The following LGALS3 variants were observed in gnomAD, a reference collection of about 807,000 sequenced individuals.
LGALS3 encodes galectin 3.
Under a neutral mutation model 20.7 loss-of-function variants are expected in LGALS3, and 18 were observed. That is an observed-to-expected ratio of 0.87 (90% confidence interval 0.60 to 1.29). The LOEUF is 1.29. LGALS3 is among the 50% of genes most tolerant of loss of function. The probability of loss-of-function intolerance (pLI) is 0.00; values close to 1 mark genes in which losing one functional copy is unlikely to be tolerated. For synonymous variants in LGALS3, 112 were observed against 119.6 expected, an observed-to-expected ratio of 0.94 and a Z score of 0.42; for missense variants, 315 against 314.7, an observed-to-expected ratio of 1.00 and a Z score of -0.01.
rs1319588431 is a variant in LGALS3, at chr14:55,129,386, G to A, written c.-5+86G>A. 6.6e-6 allele frequency: 1 copy of A among 152,130 alleles called. No individual in the cohort carries two copies. Among genetic ancestry groups the A allele is most frequent in the Non-Finnish European group, 1.5e-5 (1 of 68,094 alleles). 9.4% of individuals were successfully genotyped at this position (152,130 alleles called of 1,614,324 possible). The stretch of plus-strand genomic sequence containing the variant: ...CGCTGCTTGGGGCGCGGTCCGGAGA[G>A]GGTTCGGCTCCCCGGGACCGGGCCG... On this transcript the variant is annotated intron_variant, in intron 1 of 5. Coordinates refer to ENST00000254301, the MANE Select transcript of LGALS3 (RefSeq NM_002306.4). The surrounding 1 kb of genome is among the most constrained non-coding windows in gnomAD (Gnocchi z 5.3).
rs748904168 is a variant in LGALS3 at position 55,141,007 on chromosome 14, A to C, written c.431+644A>C. Reference sequence around the variant, plus strand: ...GAAACCATCTGAGATGCCTGCCCCTAAGGTTAGTGGAACTGTCTCTAGGTC... The same window carrying C: ...GAAACCATCTGAGATGCCTGCCCCTCAGGTTAGTGGAACTGTCTCTAGGTC... On this transcript the variant is annotated intron_variant, in intron 4 of 5. Transcript: ENST00000254301. 3.5e-4 allele frequency among the ~76,000 whole-genome samples: 54 copies of C among 152,300 alleles called. 1 individual carries two copies. The highest frequency in any genetic ancestry group is 6.8e-4 in the Non-Finnish European group (46 of 68,022).
rs138668217 is a variant in LGALS3 at position 55,145,257 on chromosome 14, T to C, written c.739T>C (p.Tyr247His). The C allele has an allele frequency of 9.3e-6, 15 of 1,612,806 alleles. No individual in the cohort carries two copies. The highest frequency in any genetic ancestry group is 4.5e-5 in the East Asian group (2 of 44,834). Residue 247 changes from tyrosine (Y) to histidine (H), a missense_variant, in exon 6 of 6, where the codon TAT (tyrosine) becomes CAT (histidine). Physicochemically the swap from Tyr to His is moderately conservative, Grantham distance 83. Transcript: ENST00000254301. ...SGDIDLTSAS[Y>H]TMI The stretch of plus-strand genomic sequence containing the variant: ...TGACATAGACCTCACCAGTGCTTCA[T>C]ATACCATGATATAATCTGAAAGGGG...
At chr14:55,136,376 C>T (rs564878788) in intron 1 of LGALS3, among the ~76,000 whole-genome samples, 1 of 151,950 alleles carries the variant, frequency 6.6e-6, no homozygotes, top group African/African-American at 2.4e-5. Flanking sequence ...AGCACCTTTC[C>T]TTTCCTTCTT....
Position 55,140,308 on chromosome 14 carries a change from G to C in LGALS3, c.376G>C (p.Val126Leu), listed in dbSNP as rs751997491. Reference sequence around the variant, plus strand: ...TTATAACCTGCCTTTGCCTGGGGGAGTGGTGCCTCGCATGCTGATAACAAT... The same window carrying C: ...TTATAACCTGCCTTTGCCTGGGGGACTGGTGCCTCGCATGCTGATAACAAT... Reference protein sequence around the residue: ...VPYNLPLPGGVVPRMLITILG... With the variant: ...VPYNLPLPGGLVPRMLITILG... The change falls in exon 4 of 6, where the codon GTG becomes CTG. Residue 126 changes from valine (V) to leucine (L), a missense_variant. Val to Leu is a conservative substitution (Grantham distance 32). Transcript: ENST00000254301. 1.9e-6 allele frequency: 3 copies of C among 1,613,836 alleles called. No homozygotes were observed. The highest frequency in any genetic ancestry group is 2.2e-5 in the South Asian group (2 of 91,016).
chr14:55,130,200 A>G (rs1881184901), intron 1 of LGALS3, among the ~76,000 whole-genome samples: 1 of 152,184 alleles, frequency 6.6e-6, no homozygotes, highest in African/African-American at 2.4e-5. Context: ...ATTCTGAATT[A>G]TCGGGTGCTC....
At chr14:55,137,693 C>T (rs771563521) in intron 2 of LGALS3, 49 of 1,392,838 alleles carry the variant, frequency 3.5e-5, no homozygotes, top group Non-Finnish European at 4.2e-5. Context: ...GCGGGAAGTG[C>T]GGTACAGTCT....
chr14:55,130,364 T>A (rs535325322), intron 1 of LGALS3, among the ~76,000 whole-genome samples: 123 of 152,250 alleles, frequency 8.1e-4, no homozygotes, highest in African/African-American at 2.8e-3. Flanking sequence ...GTAAAGTGAC[T>A]CTGGGAATTG....
intron 1 of LGALS3, among the ~76,000 whole-genome samples, chr14:55,131,449 C>G (rs1417652496): frequency 1.3e-5 from 2 of 152,198 alleles, no homozygotes; most frequent in Admixed American, 1.3e-4. Context: ...TAACTGCAGC[C>G]AAGACCTTTG....
Position 55,138,081 on chromosome 14 carries a change from C to G in LGALS3, c.55C>G (p.Pro19Ala). The G allele has an allele frequency of 6.6e-7, 1 of 1,513,710 alleles. No homozygotes were observed. Among genetic ancestry groups the G allele is most frequent in the African/African-American group, 1.4e-5 (1 of 71,654 alleles). 93.8% of individuals were successfully genotyped at this position (1,513,710 alleles called of 1,614,324 possible). ...GTTATCTGGGTCTGGAAACCCAAAC[C>G]CTCAAGGATGGCCTGGCGCATGGGG... ...DALSGSGNPN[P>A]QGWPGAWGNQ... The change falls in exon 3 of 6, where the codon CCT becomes GCT. Residue 19 changes from proline to alanine, a missense_variant. Pro to Ala is a conservative substitution (Grantham distance 27, BLOSUM62 -1). Coordinates refer to ENST00000254301, the MANE Select transcript of LGALS3 (RefSeq NM_002306.4).
chr14:55,143,243 T>C (rs908850878), intron 5 of LGALS3, among the ~76,000 whole-genome samples: 3 of 152,222 alleles, frequency 2.0e-5, no homozygotes, highest in Non-Finnish European at 2.9e-5. Flanking sequence ...TTTTCTGACA[T>C]ACAGCACGCT....
chr14:55,143,576 C>G (rs1881709497), intron 5 of LGALS3: 2 of 221,396 alleles, frequency 9.0e-6, no homozygotes, highest in African/African-American at 4.8e-5. Context: ...CGTGCGCTAC[C>G]ATGCCCAGCT....
intron 1 of LGALS3, among the ~76,000 whole-genome samples, chr14:55,135,402 T>TAA (rs943436802): frequency 2.7e-5 from 4 of 150,268 alleles, no homozygotes; most frequent in African/African-American, 9.8e-5. Context: ...TATTCCAAAA[T>TAA]AAAAAAAAAT....
Position 55,129,625 on chromosome 14 carries a change from C to A in LGALS3, c.-5+325C>A, listed in dbSNP as rs1881167232. Among the ~76,000 whole-genome samples the A allele has an allele frequency of 6.6e-6, 1 of 152,220 alleles. No individual in the cohort carries two copies. Among genetic ancestry groups the A allele is most frequent in the Non-Finnish European group, 1.5e-5 (1 of 68,044 alleles). The stretch of plus-strand genomic sequence containing the variant: ...GGCTTCGCCGCCGTCGCACCTCCGC[C>A]GCCTGCGCTCTGCGGCCCCAGAGTA... On this transcript the variant is annotated intron_variant, in intron 1 of 5. Transcript: ENST00000254301. The surrounding 1 kb of genome is among the most constrained non-coding windows in gnomAD (Gnocchi z 5.3).
intron 4 of LGALS3, 80 bp from the exon 5 acceptor site, chr14:55,142,504 T>C: frequency 8.1e-7 from 1 of 1,240,098 alleles, no homozygotes; most frequent in South Asian, 1.5e-5. Context: ...TTATTTGCTT[T>C]TTAGAAAATT....
chr14:55,145,334 G>C lies in LGALS3; in HGVS notation c.*63G>C. 6.2e-7 allele frequency: 1 copy of C among 1,601,310 alleles called. No individual in the cohort carries two copies. Among genetic ancestry groups the C allele is most frequent in the Non-Finnish European group, 8.5e-7 (1 of 1,175,254 alleles). ...AACCTTACATGTGTAAAGGTTTCAT[G>C]TTCACTGTGAGTGAAAATTTTTACA... On this transcript the variant is annotated 3_prime_UTR_variant, in exon 6 of 6. Transcript: ENST00000254301.
chr14:55,132,429 G>C (rs773516887), intron 1 of LGALS3, among the ~76,000 whole-genome samples: 23 of 151,692 alleles, frequency 1.5e-4, no homozygotes, highest in Admixed American at 9.9e-4. Context: ...GTCTCTCTCT[G>C]TAAACTACTC....
At chr14:55,140,553 C>T (rs1055904261) in intron 4 of LGALS3, 190 bp downstream of exon 4, 1 of 492,828 alleles carries the variant, frequency 2.0e-6, no homozygotes. Context: ...ATACATATTC[C>T]CATATAATTT....
chr14:55,130,962 C>A (rs1881216555), intron 1 of LGALS3, among the ~76,000 whole-genome samples: 2 of 152,174 alleles, frequency 1.3e-5, no homozygotes, highest in South Asian at 4.1e-4. Flanking sequence ...TTTTCTACAA[C>A]AATAGTCTCC....
intron 2 of LGALS3, 89 bp from the exon 3 acceptor site, chr14:55,137,956 C>T (rs1881462888): frequency 7.0e-7 from 1 of 1,433,624 alleles, no homozygotes; most frequent in Non-Finnish European, 9.2e-7. Context: ...ATATTCCTCT[C>T]CTTCTTAGAT....
Sources: allele counts gnomAD v4.1 joint callset (sites outside exome capture counted in the v4.1 genomes callset), GRCh38; gene constraint gnomAD v4.1.1; non-coding constraint Gnocchi (gnomAD v3.1); transcripts MANE v1.5; gene names NCBI Gene and HGNC (gene_info 2026-07-23, HGNC 2026-07-21).